The following CCDC146 variants were observed in gnomAD, a reference collection of about 807,000 sequenced individuals.
CCDC146 encodes coiled-coil domain-containing protein 146.
In CCDC146, 92 loss-of-function variants were observed where a neutral mutation model predicts 119.3. The ratio of observed to expected loss-of-function variants is 0.77; its 90% CI spans 0.65 to 0.92. The LOEUF is 0.92. CCDC146 is among the 40% of genes least tolerant of loss of function. The pLI, the probability that CCDC146 is intolerant of heterozygous loss-of-function variation, is 0.00. For missense variants in CCDC146, 1,000 were observed against 1,103.0 expected (o/e 0.91, Z 1.32); for synonymous variants, 372 against 371.8 (o/e 1.00, Z -0.01).
chr7:77,197,356 T>C (rs1406322207), intron 2 of CCDC146, among the ~76,000 whole-genome samples: 2 of 152,366 alleles, frequency 1.3e-5, no homozygotes, highest in Non-Finnish European at 2.9e-5. Context: ...ACATTGACCT[T>C]ATGATGTAGG....
chr7:77,153,342 T>C (rs901114633), intron 1 of CCDC146, among the ~76,000 whole-genome samples: 6 of 151,990 alleles, frequency 3.9e-5, no homozygotes, highest in African/African-American at 1.2e-4. Context: ...TTAGGTAAGA[T>C]ATATACACTA....
intron 2 of CCDC146, among the ~76,000 whole-genome samples, chr7:77,184,736 A>C (rs73371569): frequency 0.084 from 12,841 of 152,244 alleles, 652 homozygotes; most frequent in African/African-American, 0.13. Flanking sequence ...TGGTTGTTGT[A>C]AATTTTGACT....
At chr7:77,158,470 A>C (rs1467021460) in intron 1 of CCDC146, among the ~76,000 whole-genome samples, 3 of 152,036 alleles carry the variant, frequency 2.0e-5, no homozygotes, top group Admixed American at 6.6e-5. Context: ...CTATTAATAC[A>C]ATGGGCTTTG....
chr7:77,227,367 G>GC (rs1170570356), intron 2 of CCDC146, among the ~76,000 whole-genome samples: 1 of 152,204 alleles, frequency 6.6e-6, no homozygotes, highest in East Asian at 1.9e-4. Context: ...GTGCAGTGGT[G>GC]CAATCTCGGC....
intron 11 of CCDC146, among the ~76,000 whole-genome samples, chr7:77,276,817 T>C (rs1436304486): frequency 6.6e-6 from 1 of 152,154 alleles, no homozygotes; most frequent in Non-Finnish European, 1.5e-5. Flanking sequence ...ACGCCTGTAA[T>C]CCCAACACGT....
At chr7:77,282,430 A>C in intron 14 of CCDC146, 127 bp from the exon 15 acceptor site, 1 of 641,522 alleles carries the variant, frequency 1.6e-6, no homozygotes, top group Non-Finnish European at 2.7e-6. Flanking sequence ...ATTGGTGACT[A>C]TCTGTGATCC....
chr7:77,233,511 G>T (rs1316441710), intron 2 of CCDC146, among the ~76,000 whole-genome samples: 2 of 18,522 alleles, frequency 1.1e-4, no homozygotes, highest in Non-Finnish European at 1.7e-4. Flanking sequence ...CTTTAAATCA[G>T]CAGCCCCCCA....
At chr7:77,286,396 A>C (rs1326799429) in intron 15 of CCDC146, among the ~76,000 whole-genome samples, 1 of 152,128 alleles carries the variant, frequency 6.6e-6, no homozygotes, top group Non-Finnish European at 1.5e-5. Context: ...CCCACCACCA[A>C]CGTTGGGGAT....
rs1793879650 is a variant in CCDC146, at chr7:77,288,038, C to T, written c.2415+461C>T. On this transcript the variant is annotated intron_variant, in intron 17 of 18. Coordinates refer to ENST00000285871, the MANE Select transcript of CCDC146 (RefSeq NM_020879.3). ...CCAGACCAACTGCACCATGGAGGTGCCCACCAGGCACCACTAGTGAGGAAA... is the reference window on the plus strand; with the variant it reads ...CCAGACCAACTGCACCATGGAGGTGTCCACCAGGCACCACTAGTGAGGAAA... Among the ~76,000 whole-genome samples, 4 of 152,160 alleles carry T rather than the reference C, an allele frequency of 2.6e-5. No homozygotes were observed. In the South Asian group the frequency reaches 6.2e-4, roughly 24 times the overall value.
chr7:77,216,023 C>T (rs920881149), intron 2 of CCDC146, among the ~76,000 whole-genome samples: 1 of 151,922 alleles, frequency 6.6e-6, no homozygotes, highest in Non-Finnish European at 1.5e-5. Context: ...CCTCCCTTTT[C>T]CTGTAACAAC....
chr7:77,146,967 G>A lies in CCDC146; in HGVS notation c.-11-20691G>A, dbSNP rs570799416. 1.2e-3 allele frequency among the ~76,000 whole-genome samples: 185 copies of A among 152,214 alleles called. 4 individuals are homozygous for A. The highest frequency in any genetic ancestry group is 2.9e-3 in the African/African-American group (122 of 41,530). On this transcript the variant is annotated intron_variant, in intron 1 of 18. Transcript: ENST00000285871. Reference sequence around the variant, plus strand: ...TTTGAATGTTGGCCTGCCTTGCTAGGTTGGGGAAGTTCTCCTGGAAAATAT... The same window carrying A: ...TTTGAATGTTGGCCTGCCTTGCTAGATTGGGGAAGTTCTCCTGGAAAATAT...
At position 77,287,524 on chromosome 7, in the gene CCDC146, C is replaced by T. The variant is rs747951990; in HGVS notation, c.2362C>T (p.Leu788Phe). ...GCAGGTCTCCAGGCTCACAGACAGG[C>T]TCTGCAGCAAAACTCAGGGCTGCAA... is the stretch of plus-strand genomic sequence containing the variant. ...YEQVSRLTDR[L>F]CSKTQGCKQD... The change falls in exon 17 of 19, where the codon CTC becomes TTC. Residue 788 changes from leucine to phenylalanine, a missense_variant. Physicochemically the swap from Leu to Phe is conservative, Grantham distance 22 (BLOSUM62 0). This residue lies in a region of CCDC146 where 985 missense variants were observed against 1,045.3 expected (regional missense o/e 0.94). Transcript: ENST00000285871. The T allele has an allele frequency of 5.0e-6, 8 of 1,614,034 alleles. No individual in the cohort carries two copies. The Admixed American group carries it at 1.2e-4, about 24-fold the overall frequency.
rs117238582 is a variant in CCDC146 at position 77,240,157 on chromosome 7, C to A, written c.240-1534C>A. 7.8e-4 allele frequency among the ~76,000 whole-genome samples: 119 copies of A among 152,294 alleles called. 2 individuals are homozygous for A. In the East Asian group the frequency reaches 0.019, roughly 24 times the overall value. The stretch of plus-strand genomic sequence containing the variant: ...GTTGTTTGGGGAGTTCAAGGGAAAA[C>A]CTCCTCTTTCCGTATCATTTATCCC... On this transcript the variant is annotated intron_variant, in intron 3 of 18. Coordinates refer to ENST00000285871, the MANE Select transcript of CCDC146 (RefSeq NM_020879.3).
intron 2 of CCDC146, among the ~76,000 whole-genome samples, chr7:77,210,949 C>G (rs1209260209): frequency 6.6e-6 from 1 of 152,156 alleles, no homozygotes; most frequent in African/African-American, 2.4e-5. Context: ...CAGCTCCCAC[C>G]AGGTCCCTCT....
intron 2 of CCDC146, among the ~76,000 whole-genome samples, chr7:77,234,317 A>C (rs1792693174): frequency 6.6e-6 from 1 of 152,036 alleles, no homozygotes; most frequent in Non-Finnish European, 1.5e-5. Flanking sequence ...ACTTTGGGAA[A>C]CCAATGAAAA....
At chr7:77,172,264 C>A (rs1210087441) in intron 2 of CCDC146, among the ~76,000 whole-genome samples, 1 of 152,202 alleles carries the variant, frequency 6.6e-6, no homozygotes, top group South Asian at 2.1e-4. Flanking sequence ...ATGGGTCTCA[C>A]AAGTTTTTAA....
At chr7:77,179,660 AAAGG>A (rs1224401084) in intron 2 of CCDC146, among the ~76,000 whole-genome samples, 1 of 152,158 alleles carries the variant, frequency 6.6e-6, no homozygotes, top group East Asian at 1.9e-4. Flanking sequence ...AGTCATCTTA[AAAGG>A]TCAAATTCCT....
At chr7:77,176,222 G>GTCAGT (rs1791497231) in intron 2 of CCDC146, among the ~76,000 whole-genome samples, 1 of 151,042 alleles carries the variant, frequency 6.6e-6, no homozygotes, top group African/African-American at 2.5e-5. Context: ...CCTGGGTTCT[G>GTCAGT]TCAGTTGGTT....
intron 2 of CCDC146, chr7:77,199,367 C>T: frequency 6.2e-7 from 1 of 1,614,066 alleles, no homozygotes; most frequent in Non-Finnish European, 8.5e-7. Context: ...TTCTTTAGCT[C>T]AGAGGACAGC....
Sources: gnomAD v4.1 joint callset for allele counts (sites outside exome capture counted in the v4.1 genomes callset) on GRCh38, gnomAD v4.1.1 for gene constraint, gnomAD v4.1.1 regional missense constraint, MANE v1.5 for transcripts, NCBI Gene and HGNC (gene_info 2026-07-23, HGNC 2026-07-21) for gene names.